The following LHFPL6 variants were observed in gnomAD, a reference collection of about 807,000 sequenced individuals.
LHFPL6 encodes LHFPL tetraspan subfamily member 6 protein.
In LHFPL6, 9 loss-of-function variants were observed where a neutral mutation model predicts 20.6. The observed-to-expected ratio is 0.44, with a 90% CI of 0.26 to 0.76. The LOEUF (loss-of-function observed/expected upper bound fraction) is 0.76. Among genes scored for constraint, LHFPL6 ranks in the 30% least tolerant of loss-of-function variants. LHFPL6 has a pLI of 0.20. For synonymous variants in LHFPL6, 105 were observed against 98.7 expected (o/e 1.06, Z -0.38); for missense variants, 218 against 253.5 (o/e 0.86, Z 0.95).
intron 2 of LHFPL6, among the ~76,000 whole-genome samples, chr13:39,577,058 A>G (rs1872138776): frequency 6.6e-6 from 1 of 152,216 alleles, no homozygotes; most frequent in Non-Finnish European, 1.5e-5. Flanking sequence ...CGCTCCAATA[A>G]GACAGATAAA....
chr13:39,357,832 A>G (rs1439262010), intron 3 of LHFPL6, among the ~76,000 whole-genome samples: 2 of 152,230 alleles, frequency 1.3e-5, no homozygotes, highest in Non-Finnish European at 2.9e-5. Flanking sequence ...AATACTGTTG[A>G]AAGAAATCAT....
At chr13:39,478,264 T>C (rs1173440472) in intron 2 of LHFPL6, among the ~76,000 whole-genome samples, 1 of 152,108 alleles carries the variant, frequency 6.6e-6, no homozygotes, top group African/African-American at 2.4e-5. Flanking sequence ...ATTTTCAGAT[T>C]TTCCTTTTGG....
At chr13:39,511,988 G>GTA (rs1384604075) in intron 2 of LHFPL6, among the ~76,000 whole-genome samples, 1 of 152,132 alleles carries the variant, frequency 6.6e-6, no homozygotes, top group African/African-American at 2.4e-5. Flanking sequence ...TTTTCTGACA[G>GTA]GCAGTTCACA....
intron 2 of LHFPL6, among the ~76,000 whole-genome samples, chr13:39,417,507 C>A (rs538598175): frequency 6.6e-6 from 1 of 152,316 alleles, no homozygotes; most frequent in African/African-American, 2.4e-5. Context: ...ACTTTCCACC[C>A]GCTCAAAAGG....
chr13:39,472,732 C>A (rs149056980), intron 2 of LHFPL6, among the ~76,000 whole-genome samples: 1 of 151,988 alleles, frequency 6.6e-6, no homozygotes, highest in African/African-American at 2.4e-5. Flanking sequence ...CCCCAGCCTC[C>A]GGAGTAGCTG....
At position 39,511,887 on chromosome 13, in the gene LHFPL6, C is replaced by T. The variant is rs995098474; in HGVS notation, c.385+88945G>A. On this transcript the variant is annotated intron_variant, in intron 2 of 3. Coordinates refer to ENST00000379589, the MANE Select transcript of LHFPL6 (RefSeq NM_005780.3). Reference sequence around the variant, plus strand: ...TGATAATAATCCTCACATAGGCACCCTCCATTGTAGCTTCCTATCATTCAC... The same window carrying T: ...TGATAATAATCCTCACATAGGCACCTTCCATTGTAGCTTCCTATCATTCAC... Among the ~76,000 whole-genome samples the T allele has an allele frequency of 5.4e-4, 82 of 152,176 alleles. 1 individual carries two copies. The highest frequency in any genetic ancestry group is 5.3e-3 in the Admixed American group (81 of 15,272).
rs902774645 is a variant in LHFPL6 at position 39,360,271 on chromosome 13, A to G, written c.485-16217T>C. On this transcript the variant is annotated intron_variant, in intron 3 of 3. Coordinates refer to ENST00000379589, the MANE Select transcript of LHFPL6 (RefSeq NM_005780.3). ...CCTGACCTCGTGATCCGCCTGCCTC[A>G]GCCTCCCAAAGTGCTGGGATTACAG... 7.2e-5 allele frequency among the ~76,000 whole-genome samples: 7 copies of G among 97,870 alleles called. 2 individuals are homozygous for G. The highest frequency in any genetic ancestry group is 2.1e-4 in the African/African-American group (7 of 33,556). 64.2% of individuals were successfully genotyped at this position (97,870 alleles called of 152,430 possible).
intron 2 of LHFPL6, among the ~76,000 whole-genome samples, chr13:39,455,034 G>A (rs183857175): frequency 2.0e-3 from 298 of 152,250 alleles, no homozygotes; most frequent in African/African-American, 7.0e-3. Context: ...GGTACAGGGA[G>A]AAGAAGCTGT....
chr13:39,398,979 T>A (rs1870913923), intron 2 of LHFPL6, among the ~76,000 whole-genome samples: 1 of 152,214 alleles, frequency 6.6e-6, no homozygotes, highest in East Asian at 1.9e-4. Flanking sequence ...AAGTTAGGGT[T>A]TGCTGCTCTA....
intron 2 of LHFPL6, among the ~76,000 whole-genome samples, chr13:39,581,512 T>A (rs1424314228): frequency 8.6e-5 from 11 of 128,354 alleles, no homozygotes; most frequent in African/African-American, 3.2e-4. Flanking sequence ...CAAAATAGAA[T>A]ACCATCTTTA....
At chr13:39,398,178 T>C (rs1870891930) in intron 2 of LHFPL6, among the ~76,000 whole-genome samples, 1 of 152,196 alleles carries the variant, frequency 6.6e-6, no homozygotes, top group Non-Finnish European at 1.5e-5. Flanking sequence ...GCAAACTCCA[T>C]TTCAACCAGG....
intron 2 of LHFPL6, among the ~76,000 whole-genome samples, chr13:39,557,302 G>A (rs373019058): frequency 3.4e-4 from 52 of 152,354 alleles, no homozygotes; most frequent in African/African-American, 1.1e-3. Flanking sequence ...GACGGGGCGA[G>A]CCATCAGCCT....
rs769055252 is a variant in LHFPL6 at position 39,598,912 on chromosome 13, A to G, written c.385+1920T>C. ...TAATGTCAGTAACTCTTACCAAGCC[A>G]GAGTTCATGAAAAGTACTCACAAAG... On this transcript the variant is annotated intron_variant, in intron 2 of 3. Transcript: ENST00000379589. 2.2e-4 allele frequency among the ~76,000 whole-genome samples: 33 copies of G among 152,232 alleles called. 1 individual carries two copies. The highest frequency in any genetic ancestry group is 3.1e-4 in the Non-Finnish European group (21 of 68,046).
At chr13:39,384,854 T>C (rs1327385010) in intron 2 of LHFPL6, among the ~76,000 whole-genome samples, 5 of 152,114 alleles carry the variant, frequency 3.3e-5, no homozygotes, top group African/African-American at 1.2e-4. Context: ...AAAGACAACA[T>C]AAAAAAGGCG....
chr13:39,399,212 C>T (rs1870921320), intron 2 of LHFPL6, among the ~76,000 whole-genome samples: 1 of 152,188 alleles, frequency 6.6e-6, no homozygotes, highest in Non-Finnish European at 1.5e-5. Flanking sequence ...ATTCTGCTGG[C>T]TTCTATTAAA....
intron 2 of LHFPL6, among the ~76,000 whole-genome samples, chr13:39,488,269 G>A (rs1411002131): frequency 1.3e-5 from 2 of 152,198 alleles, no homozygotes; most frequent in African/African-American, 4.8e-5. Flanking sequence ...AGAAGTAAAT[G>A]TTTGTTGTTT....
chr13:39,540,207 C>T (rs1870755089), intron 2 of LHFPL6, among the ~76,000 whole-genome samples: 1 of 151,910 alleles, frequency 6.6e-6, no homozygotes, highest in African/African-American at 2.4e-5. Context: ...TAAAGAGCCA[C>T]AATTTTCATG....
intron 2 of LHFPL6, among the ~76,000 whole-genome samples, chr13:39,397,414 G>A (rs542461031): frequency 5.9e-5 from 9 of 152,288 alleles, no homozygotes; most frequent in South Asian, 2.1e-4. Context: ...TAACTTACAC[G>A]TCAGACATAG....
chr13:39,444,875 A>C (rs1872244341), intron 2 of LHFPL6, among the ~76,000 whole-genome samples: 1 of 152,160 alleles, frequency 6.6e-6, no homozygotes, highest in African/African-American at 2.4e-5. Flanking sequence ...GAGACCATGA[A>C]CCACAGAGTC....
Sources: allele counts gnomAD v4.1 joint callset (sites outside exome capture counted in the v4.1 genomes callset), GRCh38; gene constraint gnomAD v4.1.1; transcripts MANE v1.5; gene names NCBI Gene and HGNC (gene_info 2026-07-23, HGNC 2026-07-21).